Variants in AMPD3 observed in about 807,000 individuals in gnomAD.
AMPD3 encodes the protein AMP deaminase 3.
In AMPD3, 57 loss-of-function variants were observed where a neutral mutation model predicts 82.3. The ratio of observed to expected loss-of-function variants is 0.69; its 90% CI spans 0.56 to 0.86. The LOEUF (loss-of-function observed/expected upper bound fraction) is 0.86. AMPD3 is among the 40% of genes least tolerant of loss of function. The pLI is 0.00. For missense variants in AMPD3, 870 were observed against 1,003.8 expected (o/e 0.87, Z 1.80); for synonymous variants, 381 against 394.7 (o/e 0.97, Z 0.41).
At chr11:10,498,060 A>C (rs576915507) in intron 10 of AMPD3, among the ~76,000 whole-genome samples, 2 of 152,342 alleles carry the variant, frequency 1.3e-5, no homozygotes, top group Admixed American at 1.3e-4. Flanking sequence ...GCAGAGCTGG[A>C]ATGCGTTTCC....
At chr11:10,458,976 C>A (rs1223348391) in intron 1 of AMPD3, among the ~76,000 whole-genome samples, 1 of 152,102 alleles carries the variant, frequency 6.6e-6, no homozygotes, top group East Asian at 1.9e-4. Context: ...TCGTTTCAGC[C>A]TGATGGAGCC....
intron 2 of AMPD3, among the ~76,000 whole-genome samples, chr11:10,466,081 G>T (rs904024900): frequency 6.6e-6 from 1 of 152,114 alleles, no homozygotes; most frequent in Admixed American, 6.5e-5. Context: ...GGCCAACATG[G>T]TGAAACCTCA....
chr11:10,500,806 G>A lies in AMPD3; in HGVS notation c.1721+557G>A, dbSNP rs547730837. Reference sequence around the variant, plus strand: ...GGCTCCTACCAATACGCACACAGACGAGGCACACGTGGCCAGGAGTTAGCT... The same window carrying A: ...GGCTCCTACCAATACGCACACAGACAAGGCACACGTGGCCAGGAGTTAGCT... On this transcript the variant is annotated intron_variant, in intron 11 of 14. Transcript: ENST00000396553. 7 of 985,402 alleles carry A rather than the reference G, an allele frequency of 7.1e-6. No homozygotes were observed. The South Asian group carries it at 1.4e-4, about 20-fold the overall frequency. The allele number at this position is 985,402 out of a possible 1,614,324, so 61.0% of individuals were successfully genotyped here. A position where few individuals can be genotyped will look rare whatever the true frequency, so the allele number is the denominator to read the frequency against.
intron 11 of AMPD3, chr11:10,500,645 A>C: frequency 1.0e-6 from 1 of 985,488 alleles, no homozygotes; most frequent in African/African-American, 1.7e-5. Context: ...ACTTACTGCC[A>C]CACCAACAAT....
In AMPD3 at chr11:10,493,383, A is replaced by G. The variant is rs147246880; in HGVS notation, c.974A>G (p.Asn325Ser). The G allele has an allele frequency of 9.4e-4, 1,514 of 1,614,146 alleles. 4 individuals are homozygous for G. Among genetic ancestry groups the G allele is most frequent in the Non-Finnish European group, 1.1e-3 (1,334 of 1,180,024 alleles). ...DTHIHAAACM[N>S]QKHLLRFIKH... ...CACATCCATGCGGCCGCCTGCATGA[A>G]CCAAAAGCATCTGCTGCGCTTCATC... The change falls in exon 7 of 15, where the codon AAC (asparagine) becomes AGC (serine). Residue 325 changes from asparagine (N) to serine (S), a missense_variant. Asn to Ser is a conservative substitution (Grantham distance 46). Coordinates refer to ENST00000396553, the MANE Select transcript of AMPD3 (RefSeq NM_001025389.2).
At chr11:10,480,894 T>C (rs1848885179) in intron 3 of AMPD3, among the ~76,000 whole-genome samples, 1 of 152,236 alleles carries the variant, frequency 6.6e-6, no homozygotes, top group South Asian at 2.1e-4. Context: ...TGTGTCTGTC[T>C]GGCCACTTGT....
intron 4 of AMPD3, among the ~76,000 whole-genome samples, chr11:10,483,280 C>T (rs1404131202): frequency 1.3e-5 from 2 of 152,098 alleles, no homozygotes; most frequent in Middle Eastern, 3.2e-3. Flanking sequence ...TAGGAAACCC[C>T]ACTCCTGAAA....
intron 2 of AMPD3, chr11:10,473,542 T>C: frequency 3.0e-6 from 3 of 985,340 alleles, no homozygotes; most frequent in Non-Finnish European, 3.6e-6. Flanking sequence ...CTGTGAGTTT[T>C]CACACCTGAT....
chr11:10,455,947 C>T, intron 1 of AMPD3: 1 of 985,294 alleles, frequency 1.0e-6, no homozygotes, highest in East Asian at 1.1e-4. Context: ...TCGCTCGTTG[C>T]TACTCAGCTT....
chr11:10,456,592 A>G lies in AMPD3; in HGVS notation c.-6+1144A>G, dbSNP rs1848101396. 2.0e-6 allele frequency: 2 copies of G among 985,508 alleles called. No homozygotes were observed. Among genetic ancestry groups the G allele is most frequent in the Non-Finnish European group, 2.4e-6 (2 of 829,950 alleles). The allele number at this position is 985,508 out of a possible 1,614,324, so 61.0% of individuals were successfully genotyped here. ...TTTGGGACACTTCTTCAAGTTCATCAGAGCGTGTTGCATGTAACAGTGAGA... is the reference window on the plus strand; with the variant it reads ...TTTGGGACACTTCTTCAAGTTCATCGGAGCGTGTTGCATGTAACAGTGAGA... On this transcript the variant is annotated intron_variant, in intron 1 of 14. Transcript: ENST00000396553. The surrounding 1 kb of genome is among the most constrained non-coding windows in gnomAD (Gnocchi z 4.3).
intron 10 of AMPD3, 137 bp downstream of exon 10, chr11:10,497,075 C>T (rs1849427114): frequency 2.6e-6 from 3 of 1,135,726 alleles, no homozygotes; most frequent in Non-Finnish European, 4.0e-6. Context: ...GGCGTGGGGT[C>T]ACCAGCCCCA....
chr11:10,505,249 G>A (rs2133951248), intron 14 of AMPD3: 1 of 985,166 alleles, frequency 1.0e-6, no homozygotes, highest in East Asian at 1.1e-4. Context: ...TGGTTGGGAA[G>A]AGGTTGCATT....
At chr11:10,488,475 CGAGAGAGT>C in intron 6 of AMPD3, 1 of 174,920 alleles carries the variant, frequency 5.7e-6, no homozygotes, top group Non-Finnish European at 6.9e-6. Flanking sequence ...ATGAGAGAGT[CGAGAGAGT>C]CAGAACAGTG....
chr11:10,501,294 G>A, intron 11 of AMPD3, 176 bp from the exon 12 acceptor site: 1 of 985,308 alleles, frequency 1.0e-6, no homozygotes. Context: ...GTTCTAAGGG[G>A]CCCCAGGGCC....
chr11:10,478,236 G>A (rs771655237), intron 2 of AMPD3: 3 of 985,390 alleles, frequency 3.0e-6, no homozygotes, highest in Non-Finnish European at 3.6e-6. Flanking sequence ...TCTGCCATTT[G>A]TCTCTCTGTC....
chr11:10,479,054 G>A (rs983952352), intron 3 of AMPD3, among the ~76,000 whole-genome samples: 4 of 152,158 alleles, frequency 2.6e-5, no homozygotes, highest in Non-Finnish European at 5.9e-5. Context: ...GTGCCAGCTT[G>A]GGCCTTTCAG....
chr11:10,478,259 T>C, intron 2 of AMPD3: 1 of 985,464 alleles, frequency 1.0e-6, no homozygotes, highest in East Asian at 1.1e-4. Flanking sequence ...CTAGGGCATT[T>C]GCCTGCTTTA....
intron 2 of AMPD3, among the ~76,000 whole-genome samples, chr11:10,471,701 C>T (rs1848596052): frequency 6.6e-6 from 1 of 152,218 alleles, no homozygotes; most frequent in African/African-American, 2.4e-5. Flanking sequence ...AAAAAATGCT[C>T]ATCATCACTG....
At chr11:10,479,852 A>G (rs765334405) in intron 3 of AMPD3, 250 of 963,028 alleles carry the variant, frequency 2.6e-4, no homozygotes, top group Admixed American at 2.0e-3. Flanking sequence ...AGGATATATC[A>G]TAGCTTATTT....
Sources: allele counts gnomAD v4.1 joint callset (sites outside exome capture counted in the v4.1 genomes callset), GRCh38; gene constraint gnomAD v4.1.1; non-coding constraint Gnocchi (gnomAD v3.1); transcripts MANE v1.5; gene names NCBI Gene and HGNC (gene_info 2026-07-23, HGNC 2026-07-21).